The following BRINP1 variants were observed in gnomAD, a reference collection of about 807,000 sequenced individuals.
BRINP1 encodes BMP/retinoic acid-inducible neural-specific protein 1.
In BRINP1, 17 loss-of-function variants were observed where a neutral mutation model predicts 72.9. That is an observed-to-expected ratio of 0.23 (90% CI 0.16 to 0.35). BRINP1 has a LOEUF of 0.35. Among genes scored for constraint, BRINP1 ranks in the 10% least tolerant of loss-of-function variants. The pLI is 1.00. For synonymous variants in BRINP1, 418 were observed against 378.5 expected (o/e 1.10, Z -1.21); for missense variants, 850 against 1,001.6 (o/e 0.85, Z 2.04).
intron 5 of BRINP1, among the ~76,000 whole-genome samples, chr9:119,233,986 T>C (rs181371601): frequency 9.2e-5 from 14 of 152,340 alleles, no homozygotes; most frequent in Admixed American, 7.2e-4. Flanking sequence ...TTATTCTTTC[T>C]TATTTCTGTA....
At chr9:119,231,086 T>C (rs1476644281) in intron 5 of BRINP1, among the ~76,000 whole-genome samples, 1 of 151,974 alleles carries the variant, frequency 6.6e-6, no homozygotes, top group Non-Finnish European at 1.5e-5. Flanking sequence ...ACTAAGAAAA[T>C]AATACCCTGC....
chr9:119,179,073 C>A (rs545414474), intron 7 of BRINP1, among the ~76,000 whole-genome samples: 1 of 152,248 alleles, frequency 6.6e-6, no homozygotes, highest in South Asian at 2.1e-4. Flanking sequence ...ATAAATACCA[C>A]TTCCCAGGCT....
At chr9:119,213,475 C>T (rs1829949755) in intron 6 of BRINP1, 1 of 199,888 alleles carries the variant, frequency 5.0e-6, no homozygotes, top group Non-Finnish European at 1.0e-5. Context: ...TATCTCTATG[C>T]ATATGCACAT....
intron 1 of BRINP1, among the ~76,000 whole-genome samples, chr9:119,335,666 G>C (rs897415093): frequency 6.6e-6 from 1 of 152,154 alleles, no homozygotes; most frequent in Non-Finnish European, 1.5e-5. Flanking sequence ...CATTCAACAG[G>C]TGCTTAATGG....
At chr9:119,354,557 G>A (rs1036510029) in intron 1 of BRINP1, among the ~76,000 whole-genome samples, 1 of 151,990 alleles carries the variant, frequency 6.6e-6, no homozygotes, top group Non-Finnish European at 1.5e-5. Flanking sequence ...GGATGTGAGG[G>A]TCCAGGGAAT....
chr9:119,315,940 G>A (rs1267341581), intron 1 of BRINP1, among the ~76,000 whole-genome samples: 2 of 152,174 alleles, frequency 1.3e-5, no homozygotes, highest in African/African-American at 4.8e-5. Flanking sequence ...AGCCAGCAGA[G>A]GTTGCTTCCT....
chr9:119,271,541 C>T (rs78815163), intron 2 of BRINP1, among the ~76,000 whole-genome samples: 1 of 151,876 alleles, frequency 6.6e-6, no homozygotes, highest in South Asian at 2.1e-4. Context: ...TTATATAATA[C>T]ATTCATTTAC....
intron 7 of BRINP1, among the ~76,000 whole-genome samples, chr9:119,202,917 C>T (rs192695975): frequency 6.6e-6 from 1 of 152,206 alleles, no homozygotes; most frequent in East Asian, 1.9e-4. Context: ...GAAATGTATG[C>T]TGAGTTGGAC....
chr9:119,306,314 T>C (rs1409749317), intron 2 of BRINP1, among the ~76,000 whole-genome samples: 1 of 152,214 alleles, frequency 6.6e-6, no homozygotes, highest in African/African-American at 2.4e-5. Context: ...CACTAAAGAT[T>C]ATCTTTGAAT....
intron 2 of BRINP1, among the ~76,000 whole-genome samples, chr9:119,266,923 T>C (rs1252718048): frequency 6.6e-6 from 1 of 152,220 alleles, no homozygotes; most frequent in African/African-American, 2.4e-5. Flanking sequence ...TGCCAGAATC[T>C]GAGTTGGGTT....
intron 2 of BRINP1, among the ~76,000 whole-genome samples, chr9:119,280,906 C>T (rs77954522): frequency 0.024 from 3,678 of 152,230 alleles, 148 homozygotes; most frequent in African/African-American, 0.083. Flanking sequence ...AATCATTCAA[C>T]CATGCCTTGA....
intron 5 of BRINP1, among the ~76,000 whole-genome samples, chr9:119,237,353 A>ATTATTATTATTATTATTC (rs1830202012): frequency 8.5e-6 from 1 of 118,258 alleles, no homozygotes; most frequent in Non-Finnish European, 1.9e-5. Context: ...CTACATTATT[A>ATTATTATTATTATTATTC]TTATTATTAT....
At chr9:119,271,188 C>G (rs1332448) in intron 2 of BRINP1, among the ~76,000 whole-genome samples, 7 of 151,880 alleles carry the variant, frequency 4.6e-5, no homozygotes, top group African/African-American at 1.7e-4. Flanking sequence ...AAGGGAATAG[C>G]TCATAGGTGA....
intron 7 of BRINP1, among the ~76,000 whole-genome samples, chr9:119,188,371 C>G (rs1458922006): frequency 6.6e-6 from 1 of 152,080 alleles, no homozygotes; most frequent in African/African-American, 2.4e-5. Context: ...AACTTTCAAT[C>G]AAGAATATTA....
chr9:119,360,060 A>C (rs1201428466), intron 1 of BRINP1, among the ~76,000 whole-genome samples: 2 of 152,194 alleles, frequency 1.3e-5, no homozygotes, highest in Non-Finnish European at 2.9e-5. Flanking sequence ...AATCACTTGC[A>C]AGGCTTCACT....
chr9:119,319,669 A>C lies in BRINP1; in HGVS notation c.-50-6264T>G, dbSNP rs1331256837. Among the ~76,000 whole-genome samples the C allele has an allele frequency of 8.5e-5, 13 of 152,350 alleles. 1 individual carries two copies. The highest frequency in any genetic ancestry group is 6.2e-4 in the South Asian group (3 of 4,824). ...TTTCTTGGTAGTTGCCAAAGCATAC[A>C]GTCCAGAGCAGTTATTAATAAAGAT... is the stretch of plus-strand genomic sequence containing the variant. On this transcript the variant is annotated intron_variant, in intron 1 of 7. Coordinates refer to ENST00000265922, the MANE Select transcript of BRINP1 (RefSeq NM_014618.3).
In BRINP1 at chr9:119,189,507, C is replaced by G. The variant is rs191740752; in HGVS notation, c.1145+19212G>C. ...CTTGCAAATAGTAGTCAAAAGAGAA[C>G]AGGGGTTGCTATGCTTACATTAGAT... On this transcript the variant is annotated intron_variant, in intron 7 of 7. Coordinates refer to ENST00000265922, the MANE Select transcript of BRINP1 (RefSeq NM_014618.3). Among the ~76,000 whole-genome samples, 477 of 152,168 alleles carry G rather than the reference C, an allele frequency of 3.1e-3. 5 individuals are homozygous for G. Among genetic ancestry groups the G allele is most frequent in the Non-Finnish European group, 5.2e-3 (356 of 67,964 alleles).
At chr9:119,171,492 G>A (rs1188230526) in intron 7 of BRINP1, among the ~76,000 whole-genome samples, 1 of 151,174 alleles carries the variant, frequency 6.6e-6, no homozygotes, top group Admixed American at 6.6e-5. Flanking sequence ...CAAGTCCCGA[G>A]TGACTTACAA....
At chr9:119,175,119 T>TAAAAAAAAAAAAAGAAAAAAAA (rs1829469166) in intron 7 of BRINP1, among the ~76,000 whole-genome samples, 1 of 62,672 alleles carries the variant, frequency 1.6e-5, no homozygotes, top group Non-Finnish European at 3.7e-5. Context: ...AAGTAAAGTA[T>TAAAAAAAAAAAAAGAAAAAAAA]AAAAAAAAAA....
Sources: allele counts gnomAD v4.1 joint callset (sites outside exome capture counted in the v4.1 genomes callset), GRCh38; gene constraint gnomAD v4.1.1; transcripts MANE v1.5; gene names NCBI Gene and HGNC (gene_info 2026-07-23, HGNC 2026-07-21).